FHIT: variants seen among roughly 807,000 people sequenced by gnomAD.
FHIT encodes bis(5'-adenosyl)-triphosphatase.
A neutral mutation model predicts 17.9 loss-of-function variants in FHIT; 19 were observed. That is an observed-to-expected ratio of 1.06 (90% CI 0.74 to 1.56). FHIT has a LOEUF of 1.56. Among genes scored for constraint, FHIT ranks in the 40% most tolerant of loss-of-function variants. The pLI is 0.00. For missense variants in FHIT, 248 were observed against 189.2 expected (o/e 1.31, Z -1.82); for synonymous variants, 81 against 69.7 (o/e 1.16, Z -0.81).
intron 2 of FHIT, among the ~76,000 whole-genome samples, chr3:61,046,094 G>A (rs1156328621): frequency 6.6e-6 from 1 of 152,098 alleles, no homozygotes. Context: ...AGAAGCAAGG[G>A]CAAAGAAATT....
At chr3:60,739,290 G>A (rs2042197404) in intron 4 of FHIT, among the ~76,000 whole-genome samples, 1 of 152,228 alleles carries the variant, frequency 6.6e-6, no homozygotes, top group African/African-American at 2.4e-5. Flanking sequence ...GGCAGAGGGA[G>A]CACTGAGCTG....
chr3:60,651,026 G>A (rs2039977415), intron 4 of FHIT, among the ~76,000 whole-genome samples: 1 of 151,896 alleles, frequency 6.6e-6, no homozygotes, highest in Non-Finnish European at 1.5e-5. Flanking sequence ...TTATACCTAA[G>A]CATTTTATGA....
chr3:59,845,241 T>G (rs1366432810), intron 8 of FHIT, among the ~76,000 whole-genome samples: 14 of 152,186 alleles, frequency 9.2e-5, no homozygotes, highest in Admixed American at 7.2e-4. Context: ...CTTTTTCCCC[T>G]GATTTTCTAG....
chr3:60,831,469 T>C (rs1404622667), intron 3 of FHIT, among the ~76,000 whole-genome samples: 2 of 152,158 alleles, frequency 1.3e-5, no homozygotes, highest in Non-Finnish European at 2.9e-5. Flanking sequence ...GCCCTGACTT[T>C]AGAAATGTAG....
In FHIT at chr3:60,364,223, T is replaced by A. The variant is rs577451395; in HGVS notation, c.103+172637A>T. On this transcript the variant is annotated intron_variant, in intron 5 of 9. Transcript: ENST00000492590. ...ATTGTTCTCCAGTCATTCCATGCTT[T>A]TCTACACCTCTGTGTGTGTGTACTC... Among the ~76,000 whole-genome samples the A allele has an allele frequency of 1.3e-5, 2 of 152,358 alleles. 1 individual carries two copies. The highest frequency in any genetic ancestry group is 1.3e-4 in the Admixed American group (2 of 15,304).
intron 7 of FHIT, among the ~76,000 whole-genome samples, chr3:60,010,664 T>C (rs1185538979): frequency 6.6e-6 from 1 of 152,192 alleles, no homozygotes; most frequent in African/African-American, 2.4e-5. Flanking sequence ...CGTATAGGAA[T>C]TAGCATTTGT....
chr3:60,199,897 AAATATACC>A (rs1702818075), intron 5 of FHIT, among the ~76,000 whole-genome samples: 1 of 152,156 alleles, frequency 6.6e-6, no homozygotes, highest in African/African-American at 2.4e-5. Flanking sequence ...TAAAAATGTG[AAATATACC>A]AGTATACAAT....
intron 8 of FHIT, among the ~76,000 whole-genome samples, chr3:59,883,587 A>G (rs1249419420): frequency 1.3e-5 from 2 of 152,358 alleles, no homozygotes; most frequent in Non-Finnish European, 2.9e-5. Flanking sequence ...CATGAGAATC[A>G]TGGGAGCTAC....
intron 4 of FHIT, among the ~76,000 whole-genome samples, chr3:60,559,683 G>A (rs2036863510): frequency 6.6e-6 from 1 of 151,998 alleles, no homozygotes; most frequent in African/African-American, 2.4e-5. Flanking sequence ...AACCCACTGA[G>A]AAGATGGAAA....
chr3:60,200,532 C>A, intron 5 of FHIT, among the ~76,000 whole-genome samples: 1 of 152,150 alleles, frequency 6.6e-6, no homozygotes, highest in South Asian at 2.1e-4. Flanking sequence ...TTAATTAAAT[C>A]ATTAAAATAT....
chr3:61,243,776 A>C (rs2040424572), intron 1 of FHIT, among the ~76,000 whole-genome samples: 1 of 152,152 alleles, frequency 6.6e-6, no homozygotes, highest in Non-Finnish European at 1.5e-5. Flanking sequence ...CACAACCTGA[A>C]ATTCAATATA....
intron 3 of FHIT, among the ~76,000 whole-genome samples, chr3:61,034,898 C>A (rs890861748): frequency 6.6e-6 from 1 of 152,076 alleles, no homozygotes; most frequent in Non-Finnish European, 1.5e-5. Context: ...CCATCAACAC[C>A]CATCAATGAA....
intron 2 of FHIT, among the ~76,000 whole-genome samples, chr3:61,157,985 A>C (rs1450561115): frequency 1.3e-5 from 2 of 152,180 alleles, no homozygotes; most frequent in Non-Finnish European, 2.9e-5. Context: ...TATATTATGA[A>C]ATAAATATTA....
At chr3:60,938,885 C>T (rs1553773801) in intron 3 of FHIT, among the ~76,000 whole-genome samples, 1 of 152,172 alleles carries the variant, frequency 6.6e-6, no homozygotes, top group African/African-American at 2.4e-5. Context: ...AAAAACCCTG[C>T]ATCATTTTTC....
intron 2 of FHIT, among the ~76,000 whole-genome samples, chr3:61,190,443 G>C (rs1415159704): frequency 1.3e-5 from 2 of 152,202 alleles, no homozygotes. Context: ...AGGTGCTAGA[G>C]AGGATGTGGA....
At chr3:60,537,696 T>C (rs186481801) in intron 4 of FHIT, among the ~76,000 whole-genome samples, 43 of 152,186 alleles carry the variant, frequency 2.8e-4, no homozygotes, top group African/African-American at 9.6e-4. Context: ...TGAAGGGAAT[T>C]TGGCAAATGG....
intron 5 of FHIT, among the ~76,000 whole-genome samples, chr3:60,230,368 G>A (rs1298610644): frequency 1.3e-5 from 2 of 152,046 alleles, no homozygotes; most frequent in African/African-American, 2.4e-5. Flanking sequence ...TGAATACCTG[G>A]AACTACTATA....
intron 5 of FHIT, among the ~76,000 whole-genome samples, chr3:60,386,312 C>T (rs930685688): frequency 6.6e-6 from 1 of 152,108 alleles, no homozygotes; most frequent in Non-Finnish European, 1.5e-5. Context: ...GTGAGCTGCA[C>T]ATTTTTTGAG....
At chr3:59,950,321 T>C (rs1013890093) in intron 7 of FHIT, among the ~76,000 whole-genome samples, 1 of 152,132 alleles carries the variant, frequency 6.6e-6, no homozygotes, top group Admixed American at 6.6e-5. Context: ...TGTCCCCATC[T>C]CTTCCCTGCC....
Sources: allele counts gnomAD v4.1 joint callset (sites outside exome capture counted in the v4.1 genomes callset), GRCh38; gene constraint gnomAD v4.1.1; transcripts MANE v1.5; gene names NCBI Gene and HGNC (gene_info 2026-07-23, HGNC 2026-07-21).